The following RBFOX1 variants were observed in gnomAD, a reference collection of about 807,000 sequenced individuals.
RBFOX1 encodes the protein RNA binding fox-1 homolog 1.
RBFOX1 carries 8 observed loss-of-function variants against 57.7 expected under a neutral mutation model. The ratio of observed to expected loss-of-function variants is 0.14; its 90% CI spans 0.08 to 0.25. RBFOX1 has a LOEUF of 0.25. Ranked by LOEUF, RBFOX1 falls within the 10% of genes least tolerant of loss-of-function variation. RBFOX1 has a pLI of 1.00. For synonymous variants in RBFOX1, 326 were observed against 222.4 expected, an observed-to-expected ratio of 1.47 and a Z score of -4.15; for missense variants, 611 against 548.5, an observed-to-expected ratio of 1.11 and a Z score of -1.14.
rs558310798 is a variant in RBFOX1, at chr16:7,241,802, G to T, written c.27+189704G>T. Among the ~76,000 whole-genome samples the T allele has an allele frequency of 3.8e-4, 58 of 151,040 alleles. 1 individual carries two copies. The South Asian group carries it at 0.012, about 31-fold the overall frequency. On this transcript the variant is annotated intron_variant, in intron 4 of 15. Transcript: ENST00000550418. The stretch of plus-strand genomic sequence containing the variant: ...CTCTTTCAATCTGTCTATAAATGTA[G>T]ATACTCACATATACATATATGTTTA...
chr16:6,825,087 C>G (rs1401772343), intron 3 of RBFOX1, among the ~76,000 whole-genome samples: 1 of 143,350 alleles, frequency 7.0e-6, no homozygotes, highest in African/African-American at 2.6e-5. Flanking sequence ...ACCCCTGTCA[C>G]CCTGGTTCAA....
chr16:6,107,039 C>G (rs1422577915), intron 1 of RBFOX1, among the ~76,000 whole-genome samples: 3 of 152,200 alleles, frequency 2.0e-5, no homozygotes, highest in South Asian at 2.1e-4. Context: ...TCGAGTGAAC[C>G]AAACATAATC....
chr16:5,355,863 G>C (rs894750461), intron 1 of RBFOX1, among the ~76,000 whole-genome samples: 1 of 152,174 alleles, frequency 6.6e-6, no homozygotes, highest in East Asian at 1.9e-4. Context: ...GGCCGAGGCA[G>C]GTGAATCGCC....
intron 4 of RBFOX1, among the ~76,000 whole-genome samples, chr16:7,284,509 C>T (rs938663952): frequency 2.6e-5 from 4 of 151,862 alleles, no homozygotes; most frequent in South Asian, 2.1e-4. Flanking sequence ...TTTTTAACTT[C>T]TTGTAGAGAT....
chr16:7,003,848 C>T (rs2093055903), intron 3 of RBFOX1, among the ~76,000 whole-genome samples: 2 of 152,122 alleles, frequency 1.3e-5, no homozygotes. Context: ...TGCAAAGACT[C>T]ACTAATGGTT....
intron 3 of RBFOX1, among the ~76,000 whole-genome samples, chr16:6,724,737 TA>T (rs2066787415): frequency 6.6e-6 from 1 of 152,146 alleles, no homozygotes; most frequent in African/African-American, 2.4e-5. Context: ...TTTTTAATTT[TA>T]ATTTTTATTC....
chr16:7,385,520 G>C (rs1377897841), intron 4 of RBFOX1, among the ~76,000 whole-genome samples: 2 of 152,176 alleles, frequency 1.3e-5, no homozygotes, highest in Non-Finnish European at 2.9e-5. Context: ...AGTAGTGAGT[G>C]GGAAGAGCAG....
intron 1 of RBFOX1, among the ~76,000 whole-genome samples, chr16:5,402,261 A>C (rs1211547520): frequency 6.6e-6 from 1 of 151,978 alleles, no homozygotes; most frequent in Non-Finnish European, 1.5e-5. Flanking sequence ...GAGGATAAAT[A>C]CCCAGAGCTC....
rs148135842 is a variant in RBFOX1, at chr16:6,809,970, G to C, written c.-16+155320G>C. ...TCCTGAGTTGAGATTGATATGATCA[G>C]ACATCTAGAGCTTGTTCTCCTGGGT... On this transcript the variant is annotated intron_variant, in intron 3 of 15. Coordinates refer to ENST00000550418, the MANE Select transcript of RBFOX1 (RefSeq NM_018723.4). 5.7e-3 allele frequency among the ~76,000 whole-genome samples: 857 copies of C among 151,166 alleles called. 13 individuals carry two copies. The highest frequency in any genetic ancestry group is 0.02 in the African/African-American group (827 of 41,204).
At chr16:6,669,510 C>T (rs1157692503) in intron 3 of RBFOX1, among the ~76,000 whole-genome samples, 1 of 152,016 alleles carries the variant, frequency 6.6e-6, no homozygotes, top group Non-Finnish European at 1.5e-5. Flanking sequence ...GTATGATTGA[C>T]AAGTAAAAAT....
At chr16:5,351,474 T>C (rs1396252212) in intron 1 of RBFOX1, among the ~76,000 whole-genome samples, 2 of 152,182 alleles carry the variant, frequency 1.3e-5, no homozygotes, top group Non-Finnish European at 2.9e-5. Flanking sequence ...TTTAACCATA[T>C]CATTGAACTG....
intron 1 of RBFOX1, among the ~76,000 whole-genome samples, chr16:5,456,619 C>A (rs756211722): frequency 2.6e-5 from 4 of 152,202 alleles, no homozygotes; most frequent in Admixed American, 6.5e-5. Flanking sequence ...ACACAGTCAC[C>A]AAGACCTGTC....
intron 5 of RBFOX1, among the ~76,000 whole-genome samples, chr16:7,534,306 T>C (rs2080956260): frequency 6.6e-6 from 1 of 152,002 alleles, no homozygotes; most frequent in African/African-American, 2.4e-5. Flanking sequence ...TTAGCCAGGC[T>C]GGTCTCGAAC....
intron 4 of RBFOX1, among the ~76,000 whole-genome samples, chr16:7,400,380 CAG>C (rs1415520037): frequency 6.6e-6 from 1 of 152,166 alleles, no homozygotes; most frequent in Non-Finnish European, 1.5e-5. Flanking sequence ...AACCTCAGCA[CAG>C]GGGCTAGCAG....
At chr16:6,785,400 G>A (rs1180475856) in intron 3 of RBFOX1, among the ~76,000 whole-genome samples, 1 of 152,124 alleles carries the variant, frequency 6.6e-6, no homozygotes, top group Non-Finnish European at 1.5e-5. Flanking sequence ...TTGCTAAGGA[G>A]AGGTCACTGT....
intron 1 of RBFOX1, among the ~76,000 whole-genome samples, chr16:5,439,046 T>G: frequency 7.1e-6 from 1 of 141,396 alleles, no homozygotes. Flanking sequence ...GGGGGGGGCA[T>G]AGTGATTTTG....
At chr16:7,280,783 G>A (rs1463827967) in intron 4 of RBFOX1, among the ~76,000 whole-genome samples, 1 of 152,096 alleles carries the variant, frequency 6.6e-6, no homozygotes, top group South Asian at 2.1e-4. Context: ...TGAGACACTA[G>A]TAACACCCTT....
At chr16:6,955,685 G>GTATTTATTTATTTATT (rs1437207599) in intron 3 of RBFOX1, among the ~76,000 whole-genome samples, 14 of 100,508 alleles carry the variant, frequency 1.4e-4, no homozygotes, top group African/African-American at 5.0e-4. Flanking sequence ...ATTTAGGTAT[G>GTATTTATTTATTTATT]TATGTATTTA....
At chr16:5,945,223 A>T (rs193002229) in intron 4 of RBFOX1, among the ~76,000 whole-genome samples, 1 of 152,292 alleles carries the variant, frequency 6.6e-6, no homozygotes, top group East Asian at 1.9e-4. Flanking sequence ...CAGATAAAAA[A>T]GCTGCCTGGC....
Sources: allele counts gnomAD v4.1 joint callset (sites outside exome capture counted in the v4.1 genomes callset), GRCh38; gene constraint gnomAD v4.1.1; transcripts MANE v1.5; gene names NCBI Gene and HGNC (gene_info 2026-07-23, HGNC 2026-07-21).